The following PRKCH variants were observed in gnomAD, a reference collection of about 807,000 sequenced individuals.
PRKCH encodes the protein protein kinase C eta type.
PRKCH carries 28 observed loss-of-function variants against 82.5 expected under a neutral mutation model. The ratio of observed to expected loss-of-function variants is 0.34; its 90% CI spans 0.25 to 0.47. The LOEUF (loss-of-function observed/expected upper bound fraction) is 0.47, where lower values mean the gene tolerates loss of function less well. PRKCH is among the 20% of genes least tolerant of loss of function. PRKCH has a pLI of 1.00. For synonymous variants in PRKCH, 322 were observed against 327.4 expected, an observed-to-expected ratio of 0.98 and a Z score of 0.18; for missense variants, 705 against 881.8, an observed-to-expected ratio of 0.80 and a Z score of 2.54.
intron 2 of PRKCH, among the ~76,000 whole-genome samples, chr14:61,433,839 T>G (rs2140264200): frequency 6.6e-6 from 1 of 152,328 alleles, no homozygotes; most frequent in South Asian, 2.1e-4. Flanking sequence ...ATGTACAGTA[T>G]ATATTTGGCA....
At chr14:61,311,223 C>T (rs563406660) in intron 1 of PRKCH, among the ~76,000 whole-genome samples, 2 of 152,320 alleles carry the variant, frequency 1.3e-5, no homozygotes, top group Admixed American at 1.3e-4. Flanking sequence ...CTTGAATTTC[C>T]CCCCAGAAAA....
chr14:61,427,440 C>T (rs1380265594), intron 2 of PRKCH, among the ~76,000 whole-genome samples: 1 of 151,902 alleles, frequency 6.6e-6, no homozygotes, highest in Non-Finnish European at 1.5e-5. Flanking sequence ...ATTGGGAGGA[C>T]CTGGAAGAGG....
intron 1 of PRKCH, among the ~76,000 whole-genome samples, chr14:61,361,468 A>T (rs552196474): frequency 2.0e-5 from 3 of 152,254 alleles, no homozygotes; most frequent in Non-Finnish European, 4.4e-5. Flanking sequence ...CCAATGAAGC[A>T]TTAGAATTTC....
chr14:61,366,894 A>G (rs2046303420), intron 1 of PRKCH, among the ~76,000 whole-genome samples: 1 of 152,016 alleles, frequency 6.6e-6, no homozygotes, highest in Non-Finnish European at 1.5e-5. Context: ...ATCCACTGAG[A>G]GGAGCTCTCT....
At chr14:61,412,493 C>T (rs1882318385) in intron 2 of PRKCH, among the ~76,000 whole-genome samples, 1 of 152,160 alleles carries the variant, frequency 6.6e-6, no homozygotes, top group Non-Finnish European at 1.5e-5. Flanking sequence ...CTTATCTTCT[C>T]AGTGCTCTCT....
intron 1 of PRKCH, chr14:61,306,156 T>C (rs767326851): frequency 5.9e-5 from 9 of 152,228 alleles, no homozygotes; most frequent in Non-Finnish European, 1.0e-4. Flanking sequence ...TTCAATTGAA[T>C]GGATGAGGTG....
At position 61,449,220 on chromosome 14, in the gene PRKCH, T is replaced by A. The variant is rs1424395072; in HGVS notation, c.670T>A (p.Cys224Ser). 10 of 1,614,012 alleles carry A rather than the reference T, an allele frequency of 6.2e-6. No individual in the cohort carries two copies. Among genetic ancestry groups the A allele is most frequent in the Non-Finnish European group, 8.5e-6 (10 of 1,179,898 alleles). ...TCATCTAATTGTTACAGCCTGTACTTGCCAAAACAATATTAACAAAGTGGA... is the reference window on the plus strand; with the variant it reads ...TCATCTAATTGTTACAGCCTGTACTAGCCAAAACAATATTAACAAAGTGGA... ...CHHLIVTACT[C>S]QNNINKVDSK... The change falls in exon 5 of 14, where the codon TGC becomes AGC. Residue 224 changes from cysteine (C) to serine (S), a missense_variant. Cys to Ser is a moderately radical substitution (Grantham distance 112, BLOSUM62 -1). Around this residue, in one of 5 missense-constraint regions of PRKCH, gnomAD observed 246 missense variants for 308.0 expected, o/e 0.80. Coordinates refer to ENST00000332981, the MANE Select transcript of PRKCH (RefSeq NM_006255.5).
intron 10 of PRKCH, 48 bp from the exon 11 acceptor site, chr14:61,529,027 G>A (rs2043009913): frequency 6.5e-7 from 1 of 1,530,676 alleles, no homozygotes; most frequent in South Asian, 1.2e-5. Flanking sequence ...GAGGTGGATG[G>A]TTTGGGGTCT....
chr14:61,299,012 T>C (rs1441981532), intron 1 of PRKCH: 1 of 152,226 alleles, frequency 6.6e-6, no homozygotes, highest in African/African-American at 2.4e-5. Context: ...TATGTTGGCA[T>C]GCTTCTGGGG....
chr14:61,274,567 GAT>G (rs1178696380), intron 1 of PRKCH, among the ~76,000 whole-genome samples: 1 of 152,182 alleles, frequency 6.6e-6, no homozygotes, highest in Non-Finnish European at 1.5e-5. Flanking sequence ...GTGCATTTGG[GAT>G]ATAGAAGCAA....
At chr14:61,206,000 T>C (rs1426818108) in intron 1 of PRKCH, among the ~76,000 whole-genome samples, 4 of 152,128 alleles carry the variant, frequency 2.6e-5, no homozygotes, top group African/African-American at 9.7e-5. Context: ...GCATCCACTT[T>C]TGGGGAAAAG....
intron 1 of PRKCH, among the ~76,000 whole-genome samples, chr14:61,273,166 C>T (rs2140087344): frequency 6.6e-6 from 1 of 152,258 alleles, no homozygotes; most frequent in East Asian, 1.9e-4. Context: ...TCAGACTAAA[C>T]ATAATTCATT....
chr14:61,394,408 G>A (rs1216055911), intron 2 of PRKCH, among the ~76,000 whole-genome samples: 1 of 152,084 alleles, frequency 6.6e-6, no homozygotes, highest in Non-Finnish European at 1.5e-5. Context: ...GTAGTATTAT[G>A]GAACATTGTT....
At position 61,457,606 on chromosome 14, in the gene PRKCH, C is replaced by G; in HGVS notation, c.1205C>G (p.Thr402Ser). The G allele has an allele frequency of 6.2e-7, 1 of 1,614,164 alleles. No homozygotes were observed. The highest frequency in any genetic ancestry group is 1.7e-5 in the Admixed American group (1 of 60,010). Residue 402 changes from threonine to serine, a missense_variant, in exon 9 of 14, where the codon ACC becomes AGC. Thr to Ser is a moderately conservative substitution (Grantham distance 58, BLOSUM62 1). Around this residue, in one of 5 missense-constraint regions of PRKCH, gnomAD observed 238 missense variants for 258.1 expected, o/e 0.92. Transcript: ENST00000332981. ...GATGATGATGTGGAATGCACCATGACCGAGAAAAGGATCCTGTCTCTGGCC... is the reference window on the plus strand; with the variant it reads ...GATGATGATGTGGAATGCACCATGAGCGAGAAAAGGATCCTGTCTCTGGCC... ...LQDDDVECTM[T>S]EKRILSLARN...
chr14:61,313,676 C>T (rs2140111227), intron 1 of PRKCH, among the ~76,000 whole-genome samples: 1 of 152,236 alleles, frequency 6.6e-6, no homozygotes, highest in Admixed American at 6.5e-5. Flanking sequence ...GGGGGTGCCT[C>T]ACAATCATGG....
chr14:61,250,213 G>A (rs867994476), intron 1 of PRKCH, among the ~76,000 whole-genome samples: 57 of 149,930 alleles, frequency 3.8e-4, no homozygotes, highest in Middle Eastern at 3.4e-3. Flanking sequence ...CTCCAGCCTG[G>A]GCGATAGAGT....
At chr14:61,374,202 G>A (rs1046369668) in intron 1 of PRKCH, among the ~76,000 whole-genome samples, 11 of 152,158 alleles carry the variant, frequency 7.2e-5, no homozygotes, top group Admixed American at 2.0e-4. Flanking sequence ...AGGGCACACC[G>A]ATGCAAGGGG....
At chr14:61,414,553 A>G (rs1882453291) in intron 2 of PRKCH, among the ~76,000 whole-genome samples, 1 of 149,672 alleles carries the variant, frequency 6.7e-6, no homozygotes, top group Non-Finnish European at 1.5e-5. Context: ...GATTACAGGC[A>G]TGAGCCACTG....
chr14:61,479,889 G>C (rs1302999740), intron 9 of PRKCH, among the ~76,000 whole-genome samples: 1 of 152,206 alleles, frequency 6.6e-6, no homozygotes, highest in East Asian at 1.9e-4. Flanking sequence ...GTGGGACAAA[G>C]GGATTTCTGA....
Sources: gnomAD v4.1 joint callset for allele counts (sites outside exome capture counted in the v4.1 genomes callset) on GRCh38, gnomAD v4.1.1 for gene constraint, gnomAD v4.1.1 regional missense constraint, MANE v1.5 for transcripts, NCBI Gene and HGNC (gene_info 2026-07-23, HGNC 2026-07-21) for gene names.